The following MDGA2 variants were observed in gnomAD, a reference collection of about 807,000 sequenced individuals.
MDGA2 encodes MAM domain-containing glycosylphosphatidylinositol anchor protein 2.
A neutral mutation model predicts 117.8 loss-of-function variants in MDGA2; 40 were observed. The observed-to-expected ratio is 0.34, with a 90% CI of 0.26 to 0.44. The LOEUF is 0.44. MDGA2 is among the 20% of genes least tolerant of loss of function. MDGA2 has a pLI of 1.00. For synonymous variants in MDGA2, 452 were observed against 439.0 expected, an observed-to-expected ratio of 1.03 and a Z score of -0.37; for missense variants, 1,123 against 1,250.6, an observed-to-expected ratio of 0.90 and a Z score of 1.54.
At position 47,357,440 on chromosome 14, in the gene MDGA2, T is replaced by C. The variant is rs566823122; in HGVS notation, c.281-55890A>G. On this transcript the variant is annotated intron_variant, in intron 1 of 16. Transcript: ENST00000399232. ...AGACAGTGTAGGGTTGGACAATCAA[T>C]TGGCCTTAGACTATTTACTAGCAGA... Among the ~76,000 whole-genome samples the C allele has an allele frequency of 1.3e-4, 20 of 152,332 alleles. No homozygotes were observed. The South Asian group carries it at 1.9e-3, about 14-fold the overall frequency.
chr14:47,018,770 T>C (rs1469233144), intron 8 of MDGA2, among the ~76,000 whole-genome samples: 4 of 89,682 alleles, frequency 4.5e-5, no homozygotes, highest in African/African-American at 1.5e-4. Context: ...AAAGTCTCCA[T>C]TGAGAGAATC....
intron 2 of MDGA2, among the ~76,000 whole-genome samples, chr14:47,251,778 C>T (rs1887454815): frequency 6.6e-6 from 1 of 152,060 alleles, no homozygotes; most frequent in Non-Finnish European, 1.5e-5. Context: ...TTAAAATCTT[C>T]AGATTAAAAA....
chr14:47,341,148 C>G (rs1475644893), intron 1 of MDGA2, among the ~76,000 whole-genome samples: 1 of 152,224 alleles, frequency 6.6e-6, no homozygotes, highest in Admixed American at 6.5e-5. Flanking sequence ...TTTCCCTCCA[C>G]ATTGATCTTA....
intron 9 of MDGA2, among the ~76,000 whole-genome samples, chr14:46,945,315 A>C (rs1885134808): frequency 6.6e-6 from 1 of 152,092 alleles, no homozygotes; most frequent in African/African-American, 2.4e-5. Flanking sequence ...ACCTAGAATA[A>C]GTCTTTACTC....
chr14:47,473,383 T>A (rs8021552), intron 1 of MDGA2, among the ~76,000 whole-genome samples: 42,334 of 152,042 alleles, frequency 0.28, 6,251 homozygotes, highest in South Asian at 0.52. Flanking sequence ...ACAACTTGGA[T>A]TTATCATAGC....
At chr14:47,046,083 A>G (rs1594562690) in intron 7 of MDGA2, among the ~76,000 whole-genome samples, 1 of 151,804 alleles carries the variant, frequency 6.6e-6, no homozygotes, top group African/African-American at 2.4e-5. Flanking sequence ...CAGCACACCA[A>G]CATGGCACAT....
chr14:46,951,998 G>C (rs1007877536), intron 9 of MDGA2, among the ~76,000 whole-genome samples: 5 of 151,778 alleles, frequency 3.3e-5, no homozygotes, highest in Non-Finnish European at 5.9e-5. Flanking sequence ...ATTATTCTGA[G>C]ACTAAATGTC....
chr14:47,260,361 G>A (rs17118250), intron 2 of MDGA2, among the ~76,000 whole-genome samples: 7,527 of 152,036 alleles, frequency 0.05, 218 homozygotes, highest in African/African-American at 0.081. Context: ...GGGGAAAAAA[G>A]GTGACATAAG....
chr14:47,393,235 C>A (rs1032097265), intron 1 of MDGA2, among the ~76,000 whole-genome samples: 12 of 151,634 alleles, frequency 7.9e-5, no homozygotes, highest in Admixed American at 7.2e-4. Flanking sequence ...GAATCTAAAG[C>A]GTTCATTTCT....
chr14:46,887,897 A>T (rs1331748867), intron 10 of MDGA2, among the ~76,000 whole-genome samples: 3 of 151,990 alleles, frequency 2.0e-5, no homozygotes, highest in African/African-American at 7.2e-5. Context: ...ACACAAGTTT[A>T]ATCAAGGTGT....
chr14:47,218,684 T>C (rs923761119), intron 2 of MDGA2, among the ~76,000 whole-genome samples: 1 of 152,122 alleles, frequency 6.6e-6, no homozygotes, highest in Non-Finnish European at 1.5e-5. Context: ...TAATGGCTTA[T>C]TGAGATTATG....
intron 1 of MDGA2, among the ~76,000 whole-genome samples, chr14:47,399,671 C>T (rs191023108): frequency 6.6e-6 from 1 of 152,052 alleles, no homozygotes; most frequent in Non-Finnish European, 1.5e-5. Context: ...AGTGAAATGC[C>T]CAGCAAACAC....
chr14:47,210,181 C>T (rs551767156), intron 3 of MDGA2, among the ~76,000 whole-genome samples: 2 of 152,154 alleles, frequency 1.3e-5, no homozygotes, highest in South Asian at 4.1e-4. Context: ...AGACAAGGAC[C>T]AAAAATATCA....
At chr14:46,904,241 A>G (rs2138457162) in intron 10 of MDGA2, among the ~76,000 whole-genome samples, 1 of 151,940 alleles carries the variant, frequency 6.6e-6, no homozygotes, top group South Asian at 2.1e-4. Context: ...GCCTGGTGGC[A>G]TATGCCTGTA....
intron 10 of MDGA2, among the ~76,000 whole-genome samples, chr14:46,903,429 T>G (rs1337026125): frequency 6.6e-6 from 1 of 152,186 alleles, no homozygotes. Flanking sequence ...TTATATACCT[T>G]GACTTTTTAT....
At chr14:47,322,117 G>A (rs773529234) in intron 1 of MDGA2, among the ~76,000 whole-genome samples, 8 of 152,066 alleles carry the variant, frequency 5.3e-5, no homozygotes, top group Non-Finnish European at 1.2e-4. Flanking sequence ...CATAGAAAAA[G>A]TACTTCCTGT....
intron 1 of MDGA2, among the ~76,000 whole-genome samples, chr14:47,432,814 C>A (rs551935909): frequency 7.2e-5 from 11 of 152,034 alleles, no homozygotes; most frequent in Admixed American, 1.3e-4. Context: ...AAACAATCAT[C>A]TTTATTTTAT....
intron 8 of MDGA2, among the ~76,000 whole-genome samples, chr14:46,981,190 G>C (rs564878297): frequency 8.4e-4 from 127 of 151,566 alleles, no homozygotes; most frequent in Non-Finnish European, 1.6e-3. Context: ...CGGATCATGA[G>C]GTCAGGAGTT....
At chr14:46,845,167 G>A (rs1880781780) in intron 16 of MDGA2, among the ~76,000 whole-genome samples, 1 of 152,156 alleles carries the variant, frequency 6.6e-6, no homozygotes, top group African/African-American at 2.4e-5. Context: ...ACAGGCGTGA[G>A]CCACCGCGCC....
Sources: gnomAD v4.1 joint callset for allele counts (sites outside exome capture counted in the v4.1 genomes callset) on GRCh38, gnomAD v4.1.1 for gene constraint, MANE v1.5 for transcripts, NCBI Gene and HGNC (gene_info 2026-07-23, HGNC 2026-07-21) for gene names.